Variants in KCNG3 observed in about 807,000 individuals in gnomAD.
KCNG3 encodes the protein voltage-gated potassium channel regulatory subunit KCNG3.
Under a neutral mutation model 29.0 loss-of-function variants are expected in KCNG3, and 15 were observed. The observed-to-expected ratio is 0.52, with a 90% CI of 0.35 to 0.80. The LOEUF (loss-of-function observed/expected upper bound fraction) is 0.80, where lower values mean the gene tolerates loss of function less well. KCNG3 is among the 30% of genes least tolerant of loss of function. The probability of loss-of-function intolerance (pLI) is 0.01; values close to 1 mark genes in which losing one functional copy is unlikely to be tolerated. For missense variants in KCNG3, 512 were observed against 605.7 expected (o/e 0.85, Z 1.62); for synonymous variants, 322 against 248.9 (o/e 1.29, Z -2.76).
chr2:42,457,473 G>A (rs1484858525), intron 1 of KCNG3, among the ~76,000 whole-genome samples: 1 of 151,766 alleles, frequency 6.6e-6, no homozygotes, highest in Middle Eastern at 3.4e-3. Context: ...CCAGCTGGGC[G>A]ACAGAGAGAC....
chr2:42,488,165 T>C (rs1241227840), intron 1 of KCNG3, among the ~76,000 whole-genome samples: 1 of 152,228 alleles, frequency 6.6e-6, no homozygotes, highest in Non-Finnish European at 1.5e-5. Context: ...ACCGTTTTTA[T>C]ATGATTATTA....
the KCNG3 span, among the ~76,000 whole-genome samples, chr2:42,428,474 A>AG: frequency 1.8e-3 from 268 of 149,820 alleles, 2 homozygotes; most frequent in African/African-American, 6.4e-3. Flanking sequence ...AAAAAAAAAA[A>AG]AAAAGAAAAG....
At chr2:42,475,289 A>G (rs1029421300) in intron 1 of KCNG3, among the ~76,000 whole-genome samples, 2 of 147,106 alleles carry the variant, frequency 1.4e-5, no homozygotes, top group Non-Finnish European at 3.0e-5. Context: ...ACACCACTGT[A>G]CTCCAGCCTG....
the KCNG3 span, among the ~76,000 whole-genome samples, chr2:42,414,676 A>C: frequency 6.6e-6 from 1 of 151,524 alleles, no homozygotes. Context: ...TGCTGTCTTC[A>C]CTCTATTATT....
chr2:42,409,868 G>T, the KCNG3 span, among the ~76,000 whole-genome samples: 1 of 151,402 alleles, frequency 6.6e-6, no homozygotes, highest in Non-Finnish European at 1.5e-5. Context: ...ATTGACTTTT[G>T]GACCTCCAGG....
rs555026975 is a variant in KCNG3 at position 42,480,045 on chromosome 2, A to T, written c.665+12792T>A. Among the ~76,000 whole-genome samples the T allele has an allele frequency of 3.4e-4, 51 of 152,184 alleles. No homozygotes were observed. The South Asian group carries it at 4.4e-3, about 13-fold the overall frequency. ...TAGAAAACAAAAACAAACAAACAAA[A>T]ACACACACAGATAGTACTTAACTTC... On this transcript the variant is annotated intron_variant, in intron 1 of 1. Transcript: ENST00000306078.
intron 1 of KCNG3, among the ~76,000 whole-genome samples, chr2:42,446,579 A>G (rs1012414829): frequency 1.2e-4 from 18 of 152,196 alleles, no homozygotes; most frequent in African/African-American, 4.3e-4. Context: ...CCCAAACATC[A>G]GAAGTACAAT....
At chr2:42,409,731 T>TAAAAAAAAAAAAAAAAAAA in the KCNG3 span, among the ~76,000 whole-genome samples, 1 of 77,030 alleles carries the variant, frequency 1.3e-5, no homozygotes, top group African/African-American at 4.2e-5. Flanking sequence ...AAAAAAAAAT[T>TAAAAAAAAAAAAAAAAAAA]TTTTTTTAAA....
chr2:42,439,733 G>A (rs1355465254), downstream of KCNG3, among the ~76,000 whole-genome samples: 1 of 151,106 alleles, frequency 6.6e-6, no homozygotes, highest in Non-Finnish European at 1.5e-5. Flanking sequence ...TGCAACCTCT[G>A]CCTCCCTGGT....
chr2:42,437,022 C>G (rs569139120), downstream of KCNG3, among the ~76,000 whole-genome samples: 18 of 152,168 alleles, frequency 1.2e-4, no homozygotes, highest in Non-Finnish European at 2.1e-4. Flanking sequence ...CTGTACATAT[C>G]TACCATTAGG....
chr2:42,473,521 T>C (rs1006342749), intron 1 of KCNG3, among the ~76,000 whole-genome samples: 4 of 151,894 alleles, frequency 2.6e-5, no homozygotes, highest in Admixed American at 2.6e-4. Context: ...GACTAATTTT[T>C]GTATTTTTAG....
intron 1 of KCNG3, among the ~76,000 whole-genome samples, chr2:42,459,515 T>C (rs755075181): frequency 1.3e-5 from 2 of 152,186 alleles, no homozygotes; most frequent in Non-Finnish European, 2.9e-5. Context: ...CAAGTCAGGA[T>C]GGGATGACAA....
At chr2:42,456,144 T>C (rs989799156) in intron 1 of KCNG3, among the ~76,000 whole-genome samples, 10 of 152,152 alleles carry the variant, frequency 6.6e-5, no homozygotes, top group Non-Finnish European at 1.5e-4. Flanking sequence ...AAATGAAATT[T>C]ATTTATAACT....
At chr2:42,434,289 A>G in the KCNG3 span, among the ~76,000 whole-genome samples, 1 of 151,682 alleles carries the variant, frequency 6.6e-6, no homozygotes, top group East Asian at 1.9e-4. Flanking sequence ...CTATCTCTAC[A>G]AAGAAAATTT....
Position 42,444,090 on chromosome 2 carries a change from A to C in KCNG3, c.1155T>G (p.Pro385=). ...CACAAACTCCTCCAAGAATTCTTCC[A>C]GGCACTGTGATAGGATACATATCTC... ...GYGDMYPITV[P]GRILGGVCVV... is the part of the protein sequence containing the mutation. The change falls in exon 2 of 2, where the codon CCT becomes CCG. Residue 385 remains proline, a synonymous_variant. Coordinates refer to ENST00000306078, the MANE Select transcript of KCNG3 (RefSeq NM_133329.6). The surrounding 1 kb of genome is among the most constrained non-coding windows in gnomAD (Gnocchi z 5.8). 6.2e-7 allele frequency: 1 copy of C among 1,614,216 alleles called. No homozygotes were observed. Among genetic ancestry groups the C allele is most frequent in the African/African-American group, 1.3e-5 (1 of 75,046 alleles).
the KCNG3 span, among the ~76,000 whole-genome samples, chr2:42,432,510 C>T: frequency 6.6e-6 from 1 of 152,218 alleles, no homozygotes; most frequent in Non-Finnish European, 1.5e-5. Context: ...GATTCAAGGA[C>T]ACAGAGGCAC....
At chr2:42,418,924 G>C in the KCNG3 span, among the ~76,000 whole-genome samples, 3 of 152,036 alleles carry the variant, frequency 2.0e-5, no homozygotes, top group Non-Finnish European at 2.9e-5. Context: ...TTCTGTATCA[G>C]ATTTTATGGC....
At chr2:42,463,828 G>A (rs1211423635) in intron 1 of KCNG3, 3 of 234,334 alleles carry the variant, frequency 1.3e-5, no homozygotes, top group Non-Finnish European at 2.6e-5. Context: ...TGGTTCGCAG[G>A]CTGCCAGTCA....
chr2:42,477,073 T>C (rs1673444885), intron 1 of KCNG3, among the ~76,000 whole-genome samples: 1 of 149,464 alleles, frequency 6.7e-6, no homozygotes, highest in African/African-American at 2.5e-5. Context: ...GCACCTGTAG[T>C]CCCAGCTGCT....
Sources: allele counts gnomAD v4.1 joint callset (sites outside exome capture counted in the v4.1 genomes callset), GRCh38; gene constraint gnomAD v4.1.1; non-coding constraint Gnocchi (gnomAD v3.1); transcripts MANE v1.5; gene names NCBI Gene and HGNC (gene_info 2026-07-23, HGNC 2026-07-21).